Variants in MAP3K4 observed in about 807,000 individuals in gnomAD.
MAP3K4 encodes MAP three kinase 1.
MAP3K4 carries 67 observed loss-of-function variants against 185.6 expected under a neutral mutation model. The observed-to-expected ratio is 0.36, with a 90% CI of 0.30 to 0.44. The LOEUF (loss-of-function observed/expected upper bound fraction) is 0.44. MAP3K4 is among the 20% of genes least tolerant of loss of function. MAP3K4 has a pLI of 1.00. For synonymous variants in MAP3K4, 702 were observed against 710.4 expected (o/e 0.99, Z 0.19); for missense variants, 1,551 against 1,995.1 (o/e 0.78, Z 4.24).
chr6:161,002,761 T>G (rs902386311), intron 1 of MAP3K4, among the ~76,000 whole-genome samples: 1 of 151,970 alleles, frequency 6.6e-6, no homozygotes, highest in Non-Finnish European at 1.5e-5. Context: ...CCGGCTAATT[T>G]TTTGTATTTT....
chr6:160,992,815 T>G (rs960729256), intron 1 of MAP3K4, among the ~76,000 whole-genome samples: 2 of 152,106 alleles, frequency 1.3e-5, no homozygotes, highest in Admixed American at 1.3e-4. Flanking sequence ...TTTTATGTCT[T>G]TATTTTTTTT....
rs1302843569 is a variant in MAP3K4 at position 161,107,048 on chromosome 6, GCGCACACACACACA to G, written c.4048+345_4048+358del. Among the ~76,000 whole-genome samples, 1 of 141,002 alleles carries G rather than the reference GCGCACACACACACA, an allele frequency of 7.1e-6. No individual in the cohort carries two copies. The highest frequency in any genetic ancestry group is 1.6e-5 in the Non-Finnish European group (1 of 62,710). The allele number at this position is 141,002 out of a possible 152,430, so 92.5% of individuals were successfully genotyped here. On this transcript the variant is annotated intron_variant, in intron 20 of 26. Transcript: ENST00000392142. The surrounding 1 kb of genome is among the most constrained non-coding windows in gnomAD (Gnocchi z 6.2). The stretch of plus-strand genomic sequence containing the variant: ...TCTCTCTCTCTCTCTACACACGCGC[GCGCACACACACACA>G]CACACACACACACACACGCAGAACG...
chr6:161,106,857 T>A lies in MAP3K4; in HGVS notation c.4048+152T>A. On this transcript the variant is annotated intron_variant, in intron 20 of 26. Transcript: ENST00000392142. This position sits in a 1 kb window ranked among gnomAD's most constrained non-coding sequence, Gnocchi z 4.9. ...ATCTTTTTGCAAAGTGGTCTGGATT[T>A]TTTTTGGTTGTTTAATTTGTAAAAT... 7 of 519,306 alleles carry A rather than the reference T, an allele frequency of 1.3e-5. No individual in the cohort carries two copies. Among genetic ancestry groups the A allele is most frequent in the Non-Finnish European group, 2.2e-5 (7 of 314,280 alleles). The allele number at this position is 519,306 out of a possible 1,614,324, so 32.2% of individuals were successfully genotyped here.
chr6:161,041,811 G>T (rs11962121), intron 2 of MAP3K4, among the ~76,000 whole-genome samples: 11,535 of 152,084 alleles, frequency 0.076, 574 homozygotes, highest in African/African-American at 0.14. Flanking sequence ...TCCACTTCAG[G>T]TGTGGGCTAC....
At position 161,053,652 on chromosome 6, in the gene MAP3K4, G is replaced by C. The variant is rs1161632447; in HGVS notation, c.1707+3673G>C. On this transcript the variant is annotated intron_variant, in intron 3 of 26. Transcript: ENST00000392142. This position sits in a 1 kb window ranked among gnomAD's most constrained non-coding sequence, Gnocchi z 4.2. ...TGTTTCCTAGGCTGGAGTGTAATGG[G>C]AAGATCTCGGCTCACTGCAACCTCT... Among the ~76,000 whole-genome samples, 3 of 152,114 alleles carry C rather than the reference G, an allele frequency of 2.0e-5. No homozygotes were observed. Among genetic ancestry groups the C allele is most frequent in the Non-Finnish European group, 2.9e-5 (2 of 68,010 alleles).
chr6:161,069,614 ATCAT>A (rs1448634571), intron 3 of MAP3K4, among the ~76,000 whole-genome samples: 1 of 152,174 alleles, frequency 6.6e-6, no homozygotes, highest in East Asian at 1.9e-4. Flanking sequence ...AGATGAGAGT[ATCAT>A]TCATGAATGC....
chr6:161,045,728 T>G (rs1783702033), intron 2 of MAP3K4, among the ~76,000 whole-genome samples: 1 of 152,188 alleles, frequency 6.6e-6, no homozygotes, highest in Admixed American at 6.5e-5. Flanking sequence ...TACTTTCCAA[T>G]TATAAATTGT....
chr6:161,066,994 G>T (rs1307407573), intron 3 of MAP3K4, among the ~76,000 whole-genome samples: 1 of 152,174 alleles, frequency 6.6e-6, no homozygotes, highest in Non-Finnish European at 1.5e-5. Context: ...TACCAGAGGC[G>T]GTGGAGGGAA....
At chr6:161,059,862 C>CTT (rs34694172) in intron 3 of MAP3K4, among the ~76,000 whole-genome samples, 24,001 of 146,718 alleles carry the variant, frequency 0.16, 2,373 homozygotes, top group Admixed American at 0.3. Context: ...TTCCCCCTGC[C>CTT]TTTTTTTTTT....
At chr6:161,027,105 T>C (rs533567626) in intron 1 of MAP3K4, among the ~76,000 whole-genome samples, 3 of 152,278 alleles carry the variant, frequency 2.0e-5, no homozygotes, top group East Asian at 3.9e-4. Flanking sequence ...CTTACCTACT[T>C]TTCCAAGACC....
chr6:161,113,582 G>A (rs1469815191), intron 25 of MAP3K4, among the ~76,000 whole-genome samples: 3 of 152,056 alleles, frequency 2.0e-5, no homozygotes, highest in African/African-American at 7.2e-5. Context: ...GCACACTAAC[G>A]CGAACTACAC....
intron 1 of MAP3K4, among the ~76,000 whole-genome samples, chr6:161,019,842 A>T (rs566945302): frequency 1.3e-3 from 199 of 152,296 alleles, no homozygotes; most frequent in East Asian, 3.1e-3. Context: ...TTTAAAAAAA[A>T]TTTTTTTAAA....
At chr6:161,083,375 G>T (rs901989633) in intron 6 of MAP3K4, among the ~76,000 whole-genome samples, 2 of 152,110 alleles carry the variant, frequency 1.3e-5, no homozygotes, top group African/African-American at 4.8e-5. Flanking sequence ...TGCTTAGTAC[G>T]TAATAGGCAC....
chr6:161,015,021 T>G (rs1782024047), intron 1 of MAP3K4, among the ~76,000 whole-genome samples: 1 of 152,208 alleles, frequency 6.6e-6, no homozygotes, highest in Non-Finnish European at 1.5e-5. Context: ...ATATGTGGGT[T>G]TTTTTGTGAC....
intron 2 of MAP3K4, among the ~76,000 whole-genome samples, chr6:161,047,832 C>A (rs1256271118): frequency 6.6e-6 from 1 of 152,164 alleles, no homozygotes; most frequent in African/African-American, 2.4e-5. Context: ...CATTTTAAAG[C>A]TTGGAATCAG....
At position 161,092,057 on chromosome 6, in the gene MAP3K4, G is replaced by T. The variant is rs768841963; in HGVS notation, c.3183G>T (p.Lys1061Asn). ...VRLMSGEFRQ[K>N]IGDKYISFAR... Reference sequence around the variant, plus strand: ...TGATGTCTGGGGAGTTTAGACAGAAGATAGGAGACAAATATATAAGCTTTG... The same window carrying T: ...TGATGTCTGGGGAGTTTAGACAGAATATAGGAGACAAATATATAAGCTTTG... Residue 1061 changes from lysine to asparagine, a missense_variant, in exon 13 of 27, where the codon AAG (lysine) becomes AAT (asparagine). This residue lies in a region of MAP3K4 where 261 missense variants were observed against 306.5 expected (regional missense o/e 0.85). Transcript: ENST00000392142. 1.5e-5 allele frequency: 24 copies of T among 1,613,620 alleles called. No individual in the cohort carries two copies. Among genetic ancestry groups the T allele is most frequent in the South Asian group, 2.2e-5 (2 of 91,074 alleles).
rs1461573468 is a variant in MAP3K4 at position 161,067,233 on chromosome 6, G to A, written c.1708-3375G>A. ...AGACATCAATCAATATATGTAAGAT[G>A]TACATTGGTTCCATCCAGAAAGACA... On this transcript the variant is annotated intron_variant, in intron 3 of 26. Transcript: ENST00000392142. The surrounding 1 kb of genome is among the most constrained non-coding windows in gnomAD (Gnocchi z 6.3). 3 of 437,198 alleles carry A rather than the reference G, an allele frequency of 6.9e-6. No individual in the cohort carries two copies. The highest frequency in any genetic ancestry group is 4.9e-5 in the Admixed American group (2 of 40,820). 27.1% of individuals were successfully genotyped at this position (437,198 alleles called of 1,614,324 possible).
At chr6:161,111,702 C>A in intron 23 of MAP3K4, 134 bp from the exon 24 acceptor site, 1 of 917,942 alleles carries the variant, frequency 1.1e-6, no homozygotes, top group Non-Finnish European at 1.7e-6. Context: ...TATGATTACA[C>A]TTTGTAAGTC....
intron 1 of MAP3K4, among the ~76,000 whole-genome samples, chr6:161,019,377 C>G (rs528346614): frequency 6.6e-6 from 1 of 152,290 alleles, no homozygotes; most frequent in South Asian, 2.1e-4. Context: ...TCCTTTCTCT[C>G]ATTTACCACA....
Sources: allele counts gnomAD v4.1 joint callset (sites outside exome capture counted in the v4.1 genomes callset), GRCh38; gene constraint gnomAD v4.1.1; regional missense constraint gnomAD v4.1.1; non-coding constraint Gnocchi (gnomAD v3.1); transcripts MANE v1.5; gene names NCBI Gene and HGNC (gene_info 2026-07-23, HGNC 2026-07-21).